Variants in TRIP12 observed in about 807,000 individuals in gnomAD.
TRIP12 encodes the protein E3 ubiquitin-protein ligase TRIP12.
TRIP12 carries 25 observed loss-of-function variants against 244.2 expected under a neutral mutation model. The observed-to-expected ratio is 0.10, with a 90% confidence interval of 0.07 to 0.14. TRIP12 has a LOEUF of 0.14. Among genes scored for constraint, TRIP12 ranks in the 10% least tolerant of loss-of-function variants. The probability of loss-of-function intolerance (pLI) is 1.00; values close to 1 mark genes in which losing one functional copy is unlikely to be tolerated. For missense variants in TRIP12, 1,677 were observed against 2,486.4 expected (o/e 0.67, Z 6.92); for synonymous variants, 905 against 873.1 (o/e 1.04, Z -0.64).
At chr2:229,767,875 A>G (rs2032345028) in intron 41 of TRIP12, 125 bp from the exon 42 acceptor site, 2 of 950,444 alleles carry the variant, frequency 2.1e-6, no homozygotes, top group Non-Finnish European at 3.0e-6. Context: ...TGGCAATTGC[A>G]CATTCAATAT....
At chr2:229,799,509 G>T in intron 21 of TRIP12, 126 bp from the exon 22 acceptor site, 1 of 785,056 alleles carries the variant, frequency 1.3e-6, no homozygotes, top group Non-Finnish European at 2.1e-6. Flanking sequence ...GGGCGCGGTG[G>T]CTCACGCCTG....
chr2:229,921,819 C>G (rs2076645101), intron 1 of TRIP12, 61 bp downstream of exon 1: 1 of 125,106 alleles, frequency 8.0e-6, no homozygotes, highest in African/African-American at 2.9e-5. Context: ...CCCCCCCAAC[C>G]CCTCAGCTGG....
rs751889329 is a variant in TRIP12 at position 229,795,320 on chromosome 2, T to C, written c.3827A>G (p.Glu1276Gly). 1.2e-6 allele frequency: 2 copies of C among 1,612,812 alleles called. No individual in the cohort carries two copies. Among genetic ancestry groups the C allele is most frequent in the South Asian group, 2.2e-5 (2 of 90,808 alleles). The change falls in exon 26 of 42, where the codon GAA (glutamate) becomes GGA (glycine). Residue 1276 changes from glutamate (E) to glycine (G), a missense_variant. By Grantham distance (98) the Glu-to-Gly change is moderately conservative. This residue lies in a region of TRIP12 where 77 missense variants were observed against 69.2 expected (regional missense o/e 1.11). Transcript: ENST00000675903. ...TGGTTCCACTCTTCCAATGGGCTCT[T>C]CTCCAGGAAGCTAAAGTTATAAATA... is the stretch of plus-strand genomic sequence containing the variant. ...HVFFSSPLPG[E>G]EPIGRVEPVG...
Position 229,764,002 on chromosome 2 carries a change from T to C in TRIP12, c.*3552A>G, listed in dbSNP as rs1574603664. 6.6e-6 allele frequency: 1 copy of C among 152,186 alleles called. No homozygotes were observed. Among genetic ancestry groups the C allele is most frequent in the South Asian group, 2.1e-4 (1 of 4,828 alleles). 9.4% of individuals were successfully genotyped at this position (152,186 alleles called of 1,614,324 possible). A position where few individuals can be genotyped will look rare whatever the true frequency, so the allele number is the denominator to read the frequency against. ...AATGCTTTACACAGGAGATCAGCAATTGGTTATAGGTTTGGAAATATGAGT... is the reference window on the plus strand; with the variant it reads ...AATGCTTTACACAGGAGATCAGCAACTGGTTATAGGTTTGGAAATATGAGT... On this transcript the variant is annotated 3_prime_UTR_variant, in exon 42 of 42. Coordinates refer to ENST00000675903, the MANE Select transcript of TRIP12 (RefSeq NM_001348323.3).
intron 2 of TRIP12, among the ~76,000 whole-genome samples, chr2:229,878,513 T>C (rs2064098959): frequency 6.6e-6 from 1 of 151,926 alleles, no homozygotes; most frequent in South Asian, 2.1e-4. Context: ...AAAGTCCCTA[T>C]GCTTAACCAC....
chr2:229,804,760 T>A (rs958182131), intron 18 of TRIP12, among the ~76,000 whole-genome samples: 9 of 152,194 alleles, frequency 5.9e-5, no homozygotes, highest in African/African-American at 2.2e-4. Flanking sequence ...TTTGTAAATA[T>A]AATTTTATTA....
intron 1 of TRIP12, among the ~76,000 whole-genome samples, chr2:229,895,594 A>T (rs997853195): frequency 4.6e-5 from 7 of 152,068 alleles, no homozygotes; most frequent in Admixed American, 4.6e-4. Flanking sequence ...AGTGGAAGAC[A>T]GAAGGAATTA....
intron 30 of TRIP12, among the ~76,000 whole-genome samples, chr2:229,790,177 A>G (rs2041090908): frequency 6.6e-6 from 1 of 152,200 alleles, no homozygotes; most frequent in Non-Finnish European, 1.5e-5. Flanking sequence ...CTGGTAAAAG[A>G]GACTTGGTTA....
chr2:229,805,731 A>G lies in TRIP12; in HGVS notation c.2649T>C (p.Thr883=), dbSNP rs1197993081. 1.3e-6 allele frequency: 2 copies of G among 1,587,542 alleles called. No homozygotes were observed. Among genetic ancestry groups the G allele is most frequent in the Non-Finnish European group, 1.7e-6 (2 of 1,159,120 alleles). The change falls in exon 18 of 42, where the codon ACT becomes ACC. Residue 883 remains threonine (T), a splice_region_variant and synonymous_variant. Coordinates refer to ENST00000675903, the MANE Select transcript of TRIP12 (RefSeq NM_001348323.3). ...TATTTTAACTCAGAATGTACTTACT[A>G]GTGTTACTATTGGCTAACGGGTTAG... is the stretch of plus-strand genomic sequence containing the variant. ...RKPNPLANSN[T]SGYSESKKDD...
At chr2:229,852,721 T>C (rs562721490) in intron 4 of TRIP12, among the ~76,000 whole-genome samples, 1 of 152,338 alleles carries the variant, frequency 6.6e-6, no homozygotes, top group East Asian at 1.9e-4. Flanking sequence ...AGGAAGTCTA[T>C]CACTAAAGTA....
intron 4 of TRIP12, among the ~76,000 whole-genome samples, chr2:229,849,123 C>T (rs1004595637): frequency 9.2e-5 from 14 of 152,108 alleles, no homozygotes; most frequent in African/African-American, 3.4e-4. Context: ...GAAACAAATG[C>T]ATGCAGACAG....
intron 2 of TRIP12, among the ~76,000 whole-genome samples, chr2:229,869,227 A>G (rs1028836994): frequency 6.6e-6 from 1 of 152,130 alleles, no homozygotes; most frequent in Non-Finnish European, 1.5e-5. Flanking sequence ...TCCTTACTCC[A>G]ATCATGTTTT....
chr2:229,831,537 G>A (rs139443425), intron 6 of TRIP12, among the ~76,000 whole-genome samples: 20 of 152,250 alleles, frequency 1.3e-4, no homozygotes, highest in Admixed American at 2.6e-4. Flanking sequence ...TGCCTGAGTC[G>A]AGAGCACTGC....
chr2:229,884,119 CA>C (rs1415509747), intron 1 of TRIP12, among the ~76,000 whole-genome samples: 2 of 151,582 alleles, frequency 1.3e-5, no homozygotes, highest in Non-Finnish European at 2.9e-5. Flanking sequence ...AAAAAAAACC[CA>C]AAAACCTGTA....
intron 26 of TRIP12, 94 bp downstream of exon 26, chr2:229,795,085 A>C (rs1286509007): frequency 5.6e-6 from 8 of 1,439,446 alleles, no homozygotes; most frequent in Non-Finnish European, 7.5e-6. Context: ...TTTCTGGGCC[A>C]ATCAAGACTT....
intron 1 of TRIP12, among the ~76,000 whole-genome samples, chr2:229,902,556 C>T (rs191483438): frequency 4.6e-5 from 7 of 152,308 alleles, no homozygotes; most frequent in Admixed American, 3.9e-4. Context: ...CTTTGAGAAG[C>T]TGCTAGATCG....
At chr2:229,857,586 G>A (rs1399279362) in intron 4 of TRIP12, among the ~76,000 whole-genome samples, 1 of 151,558 alleles carries the variant, frequency 6.6e-6, no homozygotes, top group South Asian at 2.1e-4. Context: ...AGCCAAGATC[G>A]TACCACTCAC....
At chr2:229,852,511 T>C (rs114735798) in intron 4 of TRIP12, among the ~76,000 whole-genome samples, 568 of 152,358 alleles carry the variant, frequency 3.7e-3, no homozygotes, top group Non-Finnish European at 5.9e-3. Context: ...TGGTTTTATA[T>C]TTATGCTGTA....
At chr2:229,824,353 G>A (rs1023572294) in intron 8 of TRIP12, among the ~76,000 whole-genome samples, 2 of 151,992 alleles carry the variant, frequency 1.3e-5, no homozygotes, top group Admixed American at 6.6e-5. Flanking sequence ...TGGTGGAAAC[G>A]CAAAATGGTG....
Sources: gnomAD v4.1 joint callset for allele counts (sites outside exome capture counted in the v4.1 genomes callset) on GRCh38, gnomAD v4.1.1 for gene constraint, gnomAD v4.1.1 regional missense constraint, MANE v1.5 for transcripts, NCBI Gene and HGNC (gene_info 2026-07-23, HGNC 2026-07-21) for gene names.